Variants in VPS45 observed in about 807,000 individuals in gnomAD.
VPS45 encodes vacuolar protein sorting 45 homolog.
VPS45 carries 35 observed loss-of-function variants against 75.9 expected under a neutral mutation model. That is an observed-to-expected ratio of 0.46 (90% confidence interval 0.35 to 0.61). VPS45 has a LOEUF of 0.61. Ranked by LOEUF, VPS45 falls within the 20% of genes least tolerant of loss-of-function variation. The pLI is 0.00. For missense variants in VPS45, 559 were observed against 685.9 expected, an observed-to-expected ratio of 0.81 and a Z score of 2.07; for synonymous variants, 220 against 238.2, an observed-to-expected ratio of 0.92 and a Z score of 0.70.
chr1:150,125,672 T>C (rs1356531820), intron 14 of VPS45, among the ~76,000 whole-genome samples: 1 of 37,078 alleles, frequency 2.7e-5, no homozygotes, highest in East Asian at 7.4e-4. Flanking sequence ...TTAGGAGATA[T>C]ATTTTTTATT....
At position 150,110,458 on chromosome 1, in the gene VPS45, C is replaced by A; in HGVS notation, c.1494-38C>A. 3.3e-6 allele frequency: 5 copies of A among 1,523,452 alleles called. No homozygotes were observed. In the African/African-American group the frequency reaches 4.3e-5, roughly 13 times the overall value. The allele number at this position is 1,523,452 out of a possible 1,614,324, so 94.4% of individuals were successfully genotyped here. On this transcript the variant is annotated intron_variant, in intron 13 of 14. Transcript: ENST00000644510. ...ATGTAAGTCACAGTCCTTTTTTTTT[C>A]TTATCCTGTGATAATATCTCATTCT...
Position 150,068,763 on chromosome 1 carries a change from A to T in VPS45, c.227A>T (p.Lys76Met), listed in dbSNP as rs1416022003. 1.2e-6 allele frequency: 2 copies of T among 1,609,124 alleles called. No individual in the cohort carries two copies. Among genetic ancestry groups the T allele is most frequent in the African/African-American group, 1.3e-5 (1 of 74,718 alleles). The change falls in exon 2 of 15, where the codon AAG becomes ATG. Residue 76 changes from lysine to methionine, a missense_variant and splice_region_variant. By Grantham distance (95) the Lys-to-Met change is moderately conservative (BLOSUM62 -1). Coordinates refer to ENST00000644510, the MANE Select transcript of VPS45 (RefSeq NM_007259.5). Reference protein sequence around the residue: ...LKAICFLRPTKENVDYIIQEL... With the variant: ...LKAICFLRPTMENVDYIIQEL... ...GCAATTTGTTTTCTTCGACCTACAA[A>T]GGTACTGCATAAACTGAGCTTCCAT... is the stretch of plus-strand genomic sequence containing the variant.
chr1:150,074,032 C>T (rs374995491), intron 3 of VPS45, among the ~76,000 whole-genome samples: 1 of 142,324 alleles, frequency 7.0e-6, no homozygotes, highest in African/African-American at 2.6e-5. Context: ...TTTTTTTGTC[C>T]GAGAAGCAGT....
chr1:150,079,806 A>G (rs1655596753), intron 7 of VPS45, among the ~76,000 whole-genome samples: 1 of 152,212 alleles, frequency 6.6e-6, no homozygotes, highest in Non-Finnish European at 1.5e-5. Flanking sequence ...GTGGAGTGAA[A>G]CTTCTCTGTA....
chr1:150,105,984 C>G (rs782256427), intron 13 of VPS45, among the ~76,000 whole-genome samples: 5 of 151,962 alleles, frequency 3.3e-5, no homozygotes, highest in African/African-American at 9.7e-5. Flanking sequence ...TCAATAAAGT[C>G]GATAAAAATA....
rs782277424 is a variant in VPS45, at chr1:150,144,737, C to A, written c.1654C>A (p.Leu552Met). 1.2e-6 allele frequency: 2 copies of A among 1,614,162 alleles called. No homozygotes were observed. The highest frequency in any genetic ancestry group is 1.7e-6 in the Non-Finnish European group (2 of 1,180,008). Residue 552 changes from leucine (L) to methionine (M), a missense_variant, in exon 15 of 15, where the codon CTG becomes ATG. Coordinates refer to ENST00000644510, the MANE Select transcript of VPS45 (RefSeq NM_007259.5). ...CCTAGAGGAAGTTCTGGCTTCTGGACTGCACAGCCGAAGCAAGGAGAGCTC... is the reference window on the plus strand; with the variant it reads ...CCTAGAGGAAGTTCTGGCTTCTGGAATGCACAGCCGAAGCAAGGAGAGCTC... ...SFLEEVLASG[L>M]HSRSKESSQV...
At chr1:150,137,303 G>A (rs2101657965) in intron 14 of VPS45, among the ~76,000 whole-genome samples, 1 of 152,280 alleles carries the variant, frequency 6.6e-6, no homozygotes, top group Middle Eastern at 3.4e-3. Flanking sequence ...TTAAGCTGGG[G>A]TCTTCTTTTA....
intron 14 of VPS45, among the ~76,000 whole-genome samples, chr1:150,117,910 T>C (rs191716742): frequency 4.1e-4 from 62 of 151,668 alleles, no homozygotes; most frequent in African/African-American, 1.5e-3. Flanking sequence ...TAGTAAAGAT[T>C]TTTTATATGT....
At chr1:150,078,965 G>T (rs1655544903) in intron 7 of VPS45, among the ~76,000 whole-genome samples, 1 of 151,596 alleles carries the variant, frequency 6.6e-6, no homozygotes, top group Non-Finnish European at 1.5e-5. Context: ...CAAAAAATTA[G>T]CTGGACGTGG....
intron 14 of VPS45, among the ~76,000 whole-genome samples, chr1:150,143,638 C>T (rs1241171159): frequency 1.3e-5 from 2 of 150,052 alleles, no homozygotes; most frequent in African/African-American, 2.5e-5. Context: ...AAACATAGGA[C>T]ATAGTAAGAA....
chr1:150,135,391 T>C (rs1659022093), intron 14 of VPS45, among the ~76,000 whole-genome samples: 1 of 151,514 alleles, frequency 6.6e-6, no homozygotes, highest in Non-Finnish European at 1.5e-5. Context: ...GCCTCCCCAA[T>C]AGCTGGGATT....
chr1:150,113,756 C>T (rs587613233), intron 14 of VPS45, among the ~76,000 whole-genome samples: 16 of 151,948 alleles, frequency 1.1e-4, no homozygotes, highest in Non-Finnish European at 1.8e-4. Context: ...ATTAGCCAGG[C>T]GTGGTGGCAG....
chr1:150,090,535 T>C (rs1172479665), intron 10 of VPS45, among the ~76,000 whole-genome samples: 1 of 152,150 alleles, frequency 6.6e-6, no homozygotes, highest in African/African-American at 2.4e-5. Flanking sequence ...TACATGACTA[T>C]AGAAAGAAAG....
Position 150,081,286 on chromosome 1 carries a change from G to A in VPS45, c.688-56G>A, listed in dbSNP as rs2101533494. On this transcript the variant is annotated intron_variant, in intron 7 of 14. Coordinates refer to ENST00000644510, the MANE Select transcript of VPS45 (RefSeq NM_007259.5). ...TCAGTTTTTATTTGTTTTCCTGAAC[G>A]TTTACTATTTCCATATTCTGTCAGT... 1.5e-5 allele frequency: 22 copies of A among 1,510,022 alleles called. 1 individual carries two copies. The highest frequency in any genetic ancestry group is 1.2e-4 in the South Asian group (10 of 80,202). The allele number at this position is 1,510,022 out of a possible 1,614,324, so 93.5% of individuals were successfully genotyped here.
intron 14 of VPS45, among the ~76,000 whole-genome samples, chr1:150,141,055 T>C (rs1179065170): frequency 6.6e-6 from 1 of 152,200 alleles, no homozygotes; most frequent in Non-Finnish European, 1.5e-5. Context: ...GCCGTGGAAG[T>C]TGAGAGGTGA....
At chr1:150,076,063 A>T (rs906044635) in intron 3 of VPS45, among the ~76,000 whole-genome samples, 170 bp from the exon 4 acceptor site, 12 of 140,012 alleles carry the variant, frequency 8.6e-5, no homozygotes, top group African/African-American at 1.4e-4. Context: ...GTCCTTTTAA[A>T]ATATATATAT....
chr1:150,077,345 GT>G, intron 6 of VPS45, 114 bp downstream of exon 6: 3 of 1,342,958 alleles, frequency 2.2e-6, no homozygotes, highest in Non-Finnish European at 3.0e-6. Flanking sequence ...TGTATGTTAG[GT>G]TTCCGCGAAA....
chr1:150,077,860 G>A, intron 7 of VPS45, 81 bp downstream of exon 7: 1 of 1,147,914 alleles, frequency 8.7e-7, no homozygotes, highest in Non-Finnish European at 1.3e-6. Flanking sequence ...GTAAAAACAT[G>A]GTCCATTTAT....
Position 150,091,038 on chromosome 1 carries a change from A to C in VPS45, c.1105-899A>C, listed in dbSNP as rs376975922. 2.4e-4 allele frequency among the ~76,000 whole-genome samples: 36 copies of C among 152,372 alleles called. No individual in the cohort carries two copies. In the South Asian group the frequency reaches 6.8e-3, roughly 29 times the overall value. ...AAAGCCTATCCATTCTGGAAAAATT[A>C]CATGTGAACCAATATGCCTTCTGTG... On this transcript the variant is annotated intron_variant, in intron 10 of 14. Transcript: ENST00000644510.
Sources: gnomAD v4.1 joint callset for allele counts (sites outside exome capture counted in the v4.1 genomes callset) on GRCh38, gnomAD v4.1.1 for gene constraint, MANE v1.5 for transcripts, NCBI Gene and HGNC (gene_info 2026-07-23, HGNC 2026-07-21) for gene names.